NUP35: variants seen among roughly 807,000 people sequenced by gnomAD.
NUP35 encodes the protein nucleoporin 35, also known as nucleoporin NUP35.
Under a neutral mutation model 41.5 loss-of-function variants are expected in NUP35, and 25 were observed. The ratio of observed to expected loss-of-function variants is 0.60; its 90% CI spans 0.44 to 0.84. The LOEUF (loss-of-function observed/expected upper bound fraction) is 0.84. NUP35 is among the 40% of genes least tolerant of loss of function. The probability of loss-of-function intolerance (pLI) is 0.00; values close to 1 mark genes in which losing one functional copy is unlikely to be tolerated. For missense variants in NUP35, 396 were observed against 396.6 expected, an observed-to-expected ratio of 1.00 and a Z score of 0.01; for synonymous variants, 149 against 130.7, an observed-to-expected ratio of 1.14 and a Z score of -0.96.
upstream of NUP35, chr2:183,124,392 G>T: frequency 6.2e-7 from 1 of 1,613,744 alleles, no homozygotes; most frequent in Non-Finnish European, 8.5e-7. Flanking sequence ...TACCCGTGGG[G>T]AGCGTTTCCG....
intron 4 of NUP35, among the ~76,000 whole-genome samples, chr2:183,144,532 G>GGTC (rs1483515669): frequency 1.3e-5 from 2 of 152,196 alleles, no homozygotes; most frequent in African/African-American, 4.8e-5. Flanking sequence ...TTAGGTTAGT[G>GGTC]GTCTATTTTG....
At chr2:183,125,305 G>C (rs1469135533) in intron 1 of NUP35, among the ~76,000 whole-genome samples, 1 of 151,754 alleles carries the variant, frequency 6.6e-6, no homozygotes, top group Non-Finnish European at 1.5e-5. Context: ...TTTGCGACTT[G>C]TGAGAATCGT....
chr2:183,118,490 C>A (rs1055680941), intron 1 of NUP35: 2 of 152,124 alleles, frequency 1.3e-5, no homozygotes, highest in African/African-American at 4.8e-5. Context: ...TTAAAATTGG[C>A]AAACATGCAA....
intron 2 of NUP35, among the ~76,000 whole-genome samples, chr2:183,129,622 A>G (rs1382334623): frequency 6.6e-6 from 1 of 152,220 alleles, no homozygotes; most frequent in Non-Finnish European, 1.5e-5. Context: ...TTATTTTGTC[A>G]ATCTTAAAGG....
upstream of NUP35, among the ~76,000 whole-genome samples, chr2:183,120,573 C>G (rs1878145): frequency 0.99 from 151,374 of 152,336 alleles, 75,216 homozygotes; most frequent in Middle Eastern, 1. Context: ...AAGAATATCT[C>G]AATGTTTGAT....
chr2:183,143,293 T>TTCC (rs11462061), intron 4 of NUP35, among the ~76,000 whole-genome samples: 1 of 150,738 alleles, frequency 6.6e-6, no homozygotes, highest in African/African-American at 2.4e-5. Context: ...TTTTTTTTTT[T>TTCC]ACCCCTCTAT....
intron 4 of NUP35, among the ~76,000 whole-genome samples, chr2:183,136,039 G>C (rs551793887): frequency 2.0e-5 from 3 of 152,308 alleles, no homozygotes; most frequent in African/African-American, 7.2e-5. Flanking sequence ...AATTTCTTGA[G>C]GCAGTCTGTG....
intron 4 of NUP35, among the ~76,000 whole-genome samples, chr2:183,138,340 T>G (rs902775845): frequency 6.7e-6 from 1 of 149,228 alleles, no homozygotes; most frequent in Non-Finnish European, 1.5e-5. Flanking sequence ...AAATCTTAGC[T>G]TTCTGAGATT....
At chr2:183,126,042 T>A (rs535976976) in intron 1 of NUP35, among the ~76,000 whole-genome samples, 5 of 152,064 alleles carry the variant, frequency 3.3e-5, no homozygotes, top group Admixed American at 6.6e-5. Flanking sequence ...CCTCTCTCCC[T>A]CCCTCCCTTC....
At chr2:183,152,934 G>C (rs113763743) in intron 5 of NUP35, among the ~76,000 whole-genome samples, 2 of 152,226 alleles carry the variant, frequency 1.3e-5, no homozygotes, top group South Asian at 2.1e-4. Context: ...AGACATATCC[G>C]AGACTGGAAA....
In NUP35 at chr2:183,136,946, C is replaced by T. The variant is rs961072996; in HGVS notation, c.397+3323C>T. ...CTCTAGTAAAAATATAAAAATTAGC[C>T]AGGCATGGTGGTGCACGCTTGTAAT... On this transcript the variant is annotated intron_variant, in intron 4 of 8. Transcript: ENST00000295119. Among the ~76,000 whole-genome samples the T allele has an allele frequency of 4.6e-5, 7 of 152,092 alleles. No individual in the cohort carries two copies. In the South Asian group the frequency reaches 1.5e-3, roughly 32 times the overall value.
intron 5 of NUP35, among the ~76,000 whole-genome samples, chr2:183,152,396 G>T (rs4666616): frequency 0.89 from 135,427 of 152,156 alleles, 60,520 homozygotes; most frequent in East Asian, 0.99. Flanking sequence ...CTGAGCAGTA[G>T]GCACTGAACC....
At chr2:183,158,247 A>G in intron 6 of NUP35, 36 bp from the exon 7 acceptor site, 2 of 1,365,988 alleles carry the variant, frequency 1.5e-6, no homozygotes, top group Non-Finnish European at 2.0e-6. Flanking sequence ...GATTTTATAT[A>G]TTTTCTATTT....
intron 4 of NUP35, among the ~76,000 whole-genome samples, chr2:183,146,469 A>C (rs1685281015): frequency 6.6e-6 from 1 of 152,222 alleles, no homozygotes; most frequent in South Asian, 2.1e-4. Context: ...AGATGTTCAA[A>C]TAGTACTGCT....
intron 1 of NUP35, among the ~76,000 whole-genome samples, chr2:183,125,222 C>G (rs1355890679): frequency 6.6e-6 from 1 of 151,058 alleles, no homozygotes; most frequent in Non-Finnish European, 1.5e-5. Context: ...TGCGGAGCCT[C>G]GTTGAAATAT....
Position 183,153,192 on chromosome 2 carries a change from C to T in NUP35, c.539+1543C>T, listed in dbSNP as rs570154560. On this transcript the variant is annotated intron_variant, in intron 5 of 8. Transcript: ENST00000295119. ...TTCCTCCCACAACACATGGGAATTC[C>T]GGGAGATATAATTTGAGTTGAGATG... Among the ~76,000 whole-genome samples the T allele has an allele frequency of 7.5e-4, 114 of 152,252 alleles. 1 individual carries two copies. The highest frequency in any genetic ancestry group is 3.4e-3 in the Middle Eastern group (1 of 294).
In NUP35 at chr2:183,159,658, T is replaced by C; in HGVS notation, c.903+6T>C. The C allele has an allele frequency of 6.2e-7, 1 of 1,607,736 alleles. No individual in the cohort carries two copies. The highest frequency in any genetic ancestry group is 2.2e-5 in the East Asian group (1 of 44,736). On this transcript the variant is annotated splice_donor_region_variant and intron_variant, in intron 8 of 8. Coordinates refer to ENST00000295119, the MANE Select transcript of NUP35 (RefSeq NM_138285.5). ...CCTCTACTAGTGATTATCAGGTATTTTAAGGATTGGATAAAAAAAGATGTA... is the reference window on the plus strand; with the variant it reads ...CCTCTACTAGTGATTATCAGGTATTCTAAGGATTGGATAAAAAAAGATGTA...
At chr2:183,145,987 G>A (rs921256304) in intron 4 of NUP35, among the ~76,000 whole-genome samples, 3 of 152,188 alleles carry the variant, frequency 2.0e-5, no homozygotes, top group Non-Finnish European at 4.4e-5. Flanking sequence ...TGGAATTGCA[G>A]CACTTTGGGA....
At chr2:183,132,222 C>T (rs1006724071) in intron 3 of NUP35, among the ~76,000 whole-genome samples, 1 of 151,922 alleles carries the variant, frequency 6.6e-6, no homozygotes. Flanking sequence ...GGGATTTGTC[C>T]TGTTGCCCAG....
Sources: gnomAD v4.1 joint callset for allele counts (sites outside exome capture counted in the v4.1 genomes callset) on GRCh38, gnomAD v4.1.1 for gene constraint, MANE v1.5 for transcripts, NCBI Gene and HGNC (gene_info 2026-07-23, HGNC 2026-07-21) for gene names.